CHST12: variants seen among roughly 807,000 people sequenced by gnomAD.
The protein encoded by CHST12 is carbohydrate sulfotransferase 12.
CHST12 carries 23 observed loss-of-function variants against 27.9 expected under a neutral mutation model. The observed-to-expected ratio is 0.82, with a 90% CI of 0.59 to 1.17. CHST12 has a LOEUF of 1.17. CHST12 is among the 50% of genes most tolerant of loss of function. The probability of loss-of-function intolerance (pLI) is 0.00; values close to 1 mark genes in which losing one functional copy is unlikely to be tolerated. For missense variants in CHST12, 682 were observed against 603.0 expected, an observed-to-expected ratio of 1.13 and a Z score of -1.37; for synonymous variants, 322 against 273.0, an observed-to-expected ratio of 1.18 and a Z score of -1.77.
chr7:2,416,613 C>A (rs548098333), intron 1 of CHST12, among the ~76,000 whole-genome samples: 212 of 152,272 alleles, frequency 1.4e-3, no homozygotes, highest in African/African-American at 5.0e-3. Context: ...AGAAACAGAT[C>A]TCAGTCGATT....
chr7:2,424,438 A>G (rs1286677391), intron 1 of CHST12, among the ~76,000 whole-genome samples: 1 of 152,004 alleles, frequency 6.6e-6, no homozygotes, highest in African/African-American at 2.4e-5. Flanking sequence ...GGTTCATTTA[A>G]TGAGAATCTG....
At position 2,433,289 on chromosome 7, in the gene CHST12, A is replaced by G. The variant is rs190070405; in HGVS notation, c.650A>G (p.Asn217Ser). 1.9e-6 allele frequency: 3 copies of G among 1,612,094 alleles called. No homozygotes were observed. Among genetic ancestry groups the G allele is most frequent in the East Asian group, 2.2e-5 (1 of 44,834 alleles). The change falls in exon 2 of 2, where the codon AAC (asparagine) becomes AGC (serine). Residue 217 changes from asparagine to serine, a missense_variant. Transcript: ENST00000618655. This position sits in a 1 kb window ranked among gnomAD's most constrained non-coding sequence, Gnocchi z 6.1. Reference sequence around the variant, plus strand: ...AACGCCAGCGCGCACCTGACCTTCAACAAGTTCTGGCGCCGCTACGGGAAG... The same window carrying G: ...AACGCCAGCGCGCACCTGACCTTCAGCAAGTTCTGGCGCCGCTACGGGAAG... ...VHNASAHLTF[N>S]KFWRRYGKLS...
chr7:2,430,128 T>C (rs187259669), intron 1 of CHST12, among the ~76,000 whole-genome samples: 24 of 152,108 alleles, frequency 1.6e-4, no homozygotes, highest in African/African-American at 5.6e-4. Context: ...CTGTAACATA[T>C]GTTGTATTTT....
At chr7:2,413,820 C>G (rs1241575272) in intron 1 of CHST12, among the ~76,000 whole-genome samples, 1 of 150,304 alleles carries the variant, frequency 6.7e-6, no homozygotes, top group African/African-American at 2.5e-5. Context: ...CCTCTGCCTC[C>G]TGGGTTCAAG....
chr7:2,413,563 G>A (rs1781723772), intron 1 of CHST12, among the ~76,000 whole-genome samples: 1 of 151,882 alleles, frequency 6.6e-6, no homozygotes, highest in African/African-American at 2.4e-5. Flanking sequence ...CACGATTTTG[G>A]CCTCTTTTAA....
Position 2,433,160 on chromosome 7 carries a change from C to T in CHST12, c.521C>T (p.Ala174Val), listed in dbSNP as rs932007958. ...GAIYCYVPKV[A>V]CTNWKRVMIV... ...ATCTACTGCTACGTGCCCAAGGTGG[C>T]CTGCACCAACTGGAAGCGCGTGATG... Residue 174 changes from alanine to valine, a missense_variant, in exon 2 of 2, where the codon GCC becomes GTC. Transcript: ENST00000618655. This position sits in a 1 kb window ranked among gnomAD's most constrained non-coding sequence, Gnocchi z 6.1. 2 of 1,613,062 alleles carry T rather than the reference C, an allele frequency of 1.2e-6. No individual in the cohort carries two copies. Among genetic ancestry groups the T allele is most frequent in the Non-Finnish European group, 8.5e-7 (1 of 1,179,604 alleles).
chr7:2,409,628 A>G (rs116597788), intron 1 of CHST12, among the ~76,000 whole-genome samples: 94,343 of 145,470 alleles, frequency 0.65, 29,950 homozygotes, highest in East Asian at 0.79. Flanking sequence ...TCTCAAAGAA[A>G]AAAAAAAAAA....
intron 1 of CHST12, among the ~76,000 whole-genome samples, chr7:2,420,704 G>A (rs1343886155): frequency 6.6e-6 from 1 of 152,072 alleles, no homozygotes; most frequent in Non-Finnish European, 1.5e-5. Context: ...GAGGCTGCTT[G>A]AGCCCAGGAG....
intron 1 of CHST12, 53 bp from the exon 2 acceptor site, chr7:2,432,510 G>A: frequency 9.2e-7 from 1 of 1,087,852 alleles, no homozygotes; most frequent in Non-Finnish European, 1.3e-6. Flanking sequence ...GAAGGCAGGA[G>A]TCAGAGCCCC....
rs555037388 is a variant in CHST12 at position 2,436,711 on chromosome 7, G to A, written c.*2827G>A. On this transcript the variant is annotated 3_prime_UTR_variant, in exon 2 of 2. Transcript: ENST00000618655. ...TCAGACGAATGTCAGAACCCACTGGGCGGTTCACTCACTGAGGGGGGCCCG... is the reference window on the plus strand; with the variant it reads ...TCAGACGAATGTCAGAACCCACTGGACGGTTCACTCACTGAGGGGGGCCCG... 6.6e-6 allele frequency: 1 copy of A among 152,374 alleles called. No homozygotes were observed. Among genetic ancestry groups the A allele is most frequent in the Non-Finnish European group, 1.5e-5 (1 of 68,048 alleles). The allele number at this position is 152,374 out of a possible 1,614,324, so 9.4% of individuals were successfully genotyped here.
At position 2,437,494 on chromosome 7, in the gene CHST12, ACCCC is replaced by A. The variant is rs998779646; in HGVS notation, c.*3612_*3615del. 6.6e-6 allele frequency: 1 copy of A among 151,518 alleles called. No homozygotes were observed. The highest frequency in any genetic ancestry group is 1.5e-5 in the Non-Finnish European group (1 of 67,894). The allele number at this position is 151,518 out of a possible 1,614,324, so 9.4% of individuals were successfully genotyped here. On this transcript the variant is annotated 3_prime_UTR_variant, in exon 2 of 2. Coordinates refer to ENST00000618655, the MANE Select transcript of CHST12 (RefSeq NM_018641.5). Reference sequence around the variant, plus strand: ...GCTTCTTCATTCGCTGATACTTACAACCCCCAGTGGATATTTAGTGGAGTTTGCT... The same window carrying A: ...GCTTCTTCATTCGCTGATACTTACAACAGTGGATATTTAGTGGAGTTTGCT...
chr7:2,413,237 G>T (rs918380211), intron 1 of CHST12, among the ~76,000 whole-genome samples: 1 of 152,190 alleles, frequency 6.6e-6, no homozygotes, highest in African/African-American at 2.4e-5. Flanking sequence ...GTCCCTCCGT[G>T]TCTGTGCGGA....
chr7:2,408,136 G>A (rs907675306), intron 1 of CHST12, among the ~76,000 whole-genome samples: 1 of 151,972 alleles, frequency 6.6e-6, no homozygotes, highest in African/African-American at 2.4e-5. Context: ...TTGGGTGGCC[G>A]AGGTGGACGG....
chr7:2,426,394 G>A (rs190729029), intron 1 of CHST12, among the ~76,000 whole-genome samples: 196 of 152,318 alleles, frequency 1.3e-3, no homozygotes, highest in African/African-American at 4.2e-3. Context: ...AGCTATGTGA[G>A]TGAGAGCGGG....
At chr7:2,410,050 A>G (rs559648912) in intron 1 of CHST12, among the ~76,000 whole-genome samples, 1 of 152,094 alleles carries the variant, frequency 6.6e-6, no homozygotes, top group South Asian at 2.1e-4. Context: ...TCAAGCAATT[A>G]TGATTACAGG....
At chr7:2,429,727 G>C (rs1034722911) in intron 1 of CHST12, among the ~76,000 whole-genome samples, 4 of 151,986 alleles carry the variant, frequency 2.6e-5, no homozygotes, top group African/African-American at 9.7e-5. Context: ...TCCTTGTCTT[G>C]TTCCTGATAA....
rs779052191 is a variant in CHST12 at position 2,434,118 on chromosome 7, CCGCCCGCTCGCCCGCT to C, written c.*244_*259del. ...CTCTCCCCTCCGCCCGCCCACCCGC[CCGCCCGCTCGCCCGCT>C]CGCCCGCTCCTGTGGTTTTTCTGAG... On this transcript the variant is annotated 3_prime_UTR_variant, in exon 2 of 2. Transcript: ENST00000618655. The C allele has an allele frequency of 5.7e-6, 2 of 353,674 alleles. No individual in the cohort carries two copies. The highest frequency in any genetic ancestry group is 1.0e-5 in the Non-Finnish European group (2 of 198,806). 21.9% of individuals were successfully genotyped at this position (353,674 alleles called of 1,614,324 possible).
intron 1 of CHST12, 144 bp from the exon 2 acceptor site, chr7:2,432,419 C>T (rs1394151805): frequency 1.7e-6 from 1 of 592,248 alleles, no homozygotes; most frequent in South Asian, 2.1e-5. Flanking sequence ...CTGACCTCAG[C>T]CTCCAGCCCC....
chr7:2,423,240 TC>T (rs1437512830), intron 1 of CHST12, among the ~76,000 whole-genome samples: 1 of 151,536 alleles, frequency 6.6e-6, no homozygotes, highest in Non-Finnish European at 1.5e-5. Flanking sequence ...ACCACTGTAG[TC>T]CCGCCTGGGT....
Sources: allele counts gnomAD v4.1 joint callset (sites outside exome capture counted in the v4.1 genomes callset), GRCh38; gene constraint gnomAD v4.1.1; non-coding constraint Gnocchi (gnomAD v3.1); transcripts MANE v1.5; gene names NCBI Gene and HGNC (gene_info 2026-07-23, HGNC 2026-07-21).